The following TATDN2 variants were observed in gnomAD, a reference collection of about 807,000 sequenced individuals.
The protein encoded by TATDN2 is 3'-5' RNA nuclease TATDN2.
Under a neutral mutation model 60.3 loss-of-function variants are expected in TATDN2, and 44 were observed. That is an observed-to-expected ratio of 0.73 (90% confidence interval 0.57 to 0.94). The LOEUF (loss-of-function observed/expected upper bound fraction) is 0.94. Ranked by LOEUF, TATDN2 falls within the 40% of genes least tolerant of loss-of-function variation. TATDN2 has a pLI of 0.00. For missense variants in TATDN2, 997 were observed against 948.0 expected, an observed-to-expected ratio of 1.05 and a Z score of -0.68; for synonymous variants, 399 against 355.8, an observed-to-expected ratio of 1.12 and a Z score of -1.37.
chr3:10,260,341 G>T lies in TATDN2; in HGVS notation c.619G>T (p.Ala207Ser). Residue 207 changes from alanine (A) to serine (S), a missense_variant, in exon 3 of 8, where the codon GCC becomes TCC. Coordinates refer to ENST00000448281, the MANE Select transcript of TATDN2 (RefSeq NM_014760.4). The part of the protein sequence containing the change: ...KSMPKRKGEA[A>S]TRAKPSAAEH... Reference sequence around the variant, plus strand: ...GATGCCAAAAAGGAAGGGAGAGGCTGCCACTCGGGCAAAACCAAGCGCAGC... The same window carrying T: ...GATGCCAAAAAGGAAGGGAGAGGCTTCCACTCGGGCAAAACCAAGCGCAGC... The T allele has an allele frequency of 6.2e-7, 1 of 1,614,160 alleles. No homozygotes were observed.
In TATDN2 at chr3:10,257,294, T is replaced by TTATATATA. The variant is rs3072531; in HGVS notation, c.415-2831_415-2824dup. Reference sequence around the variant, plus strand: ...AGTGAGATTTTGCCTCAAAAAAAAATTATATATATATATATATATGAATTC... The same window carrying TTATATATA: ...AGTGAGATTTTGCCTCAAAAAAAAATTATATATATATATATATATATATATATGAATTC... On this transcript the variant is annotated intron_variant, in intron 2 of 7. Transcript: ENST00000448281. 2.3e-3 allele frequency among the ~76,000 whole-genome samples: 305 copies of TTATATATA among 133,592 alleles called. 3 individuals carry two copies. Among genetic ancestry groups the TTATATATA allele is most frequent in the South Asian group, 7.3e-3 (29 of 3,966 alleles). The allele number at this position is 133,592 out of a possible 152,430, so 87.6% of individuals were successfully genotyped here. A position where few individuals can be genotyped will look rare whatever the true frequency, so the allele number is the denominator to read the frequency against.
Position 10,278,381 on chromosome 3 carries a change from G to C in TATDN2, c.2064G>C (p.Trp688Cys), listed in dbSNP as rs1698668930. ...FTAVLTYSSAWEAREALRQIP... is the reference protein window; with the variant it reads ...FTAVLTYSSACEAREALRQIP... Reference sequence around the variant, plus strand: ...CAGTGCTGACATACTCCTCTGCCTGGGAGGCCCGGGAAGCCTTGAGGCAGA... The same window carrying C: ...CAGTGCTGACATACTCCTCTGCCTGCGAGGCCCGGGAAGCCTTGAGGCAGA... The change falls in exon 6 of 8, where the codon TGG becomes TGC. Residue 688 changes from tryptophan (W) to cysteine (C), a missense_variant. Trp to Cys is a radical substitution (Grantham distance 215). Coordinates refer to ENST00000448281, the MANE Select transcript of TATDN2 (RefSeq NM_014760.4). This position sits in a 1 kb window ranked among gnomAD's most constrained non-coding sequence, Gnocchi z 4.7. 2.5e-6 allele frequency: 4 copies of C among 1,614,084 alleles called. No individual in the cohort carries two copies. The highest frequency in any genetic ancestry group is 3.4e-6 in the Non-Finnish European group (4 of 1,180,040).
chr3:10,260,618 C>G lies in TATDN2; in HGVS notation c.896C>G (p.Ser299Cys), dbSNP rs769513602. ...GDRRTVIDKC[S>C]PPLEFLDDSD... ...CGAAGGACTGTCATTGACAAATGCTCTCCACCCCTAGAGTTCTTGGATGAC... is the reference window on the plus strand; with the variant it reads ...CGAAGGACTGTCATTGACAAATGCTGTCCACCCCTAGAGTTCTTGGATGAC... Residue 299 changes from serine (S) to cysteine (C), a missense_variant, in exon 3 of 8, where the codon TCT (serine) becomes TGT (cysteine). Physicochemically the swap from Ser to Cys is moderately radical, Grantham distance 112 (BLOSUM62 -1). Coordinates refer to ENST00000448281, the MANE Select transcript of TATDN2 (RefSeq NM_014760.4). The G allele has an allele frequency of 3.7e-6, 6 of 1,614,162 alleles. No individual in the cohort carries two copies. In the South Asian group the frequency reaches 6.6e-5, roughly 18 times the overall value.
At chr3:10,265,384 T>TTA (rs1352751432) in intron 3 of TATDN2, among the ~76,000 whole-genome samples, 1 of 14,880 alleles carries the variant, frequency 6.7e-5, no homozygotes, top group Non-Finnish European at 1.2e-4. Flanking sequence ...GCCAGAACTT[T>TTA]AAAAATTAAA....
Position 10,278,317 on chromosome 3 carries a change from T to G in TATDN2, c.2000T>G (p.Leu667Arg). 1 of 1,614,194 alleles carries G rather than the reference T, an allele frequency of 6.2e-7. No homozygotes were observed. Among genetic ancestry groups the G allele is most frequent in the Non-Finnish European group, 8.5e-7 (1 of 1,180,030 alleles). Residue 667 changes from leucine to arginine, a missense_variant, in exon 6 of 8, where the codon CTG becomes CGG. Coordinates refer to ENST00000448281, the MANE Select transcript of TATDN2 (RefSeq NM_014760.4). The surrounding 1 kb of genome is among the most constrained non-coding windows in gnomAD (Gnocchi z 4.7). ...GGCAGCTACCCGGTCATTGAGCCCC[T>G]GCTGAAGTACTTTCCCAACATGTCT... is the stretch of plus-strand genomic sequence containing the variant. Reference protein sequence around the residue: ...FTGSYPVIEPLLKYFPNMSVG... With the variant: ...FTGSYPVIEPRLKYFPNMSVG...
rs756498370 is a variant in TATDN2, at chr3:10,249,516, A to C, written c.316A>C (p.Thr106Pro). 5.0e-6 allele frequency: 8 copies of C among 1,607,422 alleles called. No individual in the cohort carries two copies. The highest frequency in any genetic ancestry group is 1.7e-4 in the Middle Eastern group (1 of 6,032). ...AASKGCLIRN[T>P]RGFLSSGGSP... ...CTCCAAAGGCTGCCTGATTCGGAACACTCGGGGGTTCCTGTCTTCAGGGGG... is the reference window on the plus strand; with the variant it reads ...CTCCAAAGGCTGCCTGATTCGGAACCCTCGGGGGTTCCTGTCTTCAGGGGG... Residue 106 changes from threonine (T) to proline (P), a missense_variant, in exon 2 of 8, where the codon ACT becomes CCT. Coordinates refer to ENST00000448281, the MANE Select transcript of TATDN2 (RefSeq NM_014760.4).
At chr3:10,254,437 C>T (rs749594514) in intron 2 of TATDN2, among the ~76,000 whole-genome samples, 23 of 152,300 alleles carry the variant, frequency 1.5e-4, no homozygotes, top group Non-Finnish European at 2.4e-4. Flanking sequence ...CTGGCCCTCC[C>T]TTCTCTCATC....
At chr3:10,271,519 G>C (rs1226375726) in intron 4 of TATDN2, among the ~76,000 whole-genome samples, 1 of 152,006 alleles carries the variant, frequency 6.6e-6, no homozygotes, top group Non-Finnish European at 1.5e-5. Context: ...GGCCAGGTTG[G>C]TATTGAACTC....
At chr3:10,253,350 C>T (rs1362623236) in intron 2 of TATDN2, among the ~76,000 whole-genome samples, 1 of 152,090 alleles carries the variant, frequency 6.6e-6, no homozygotes, top group Non-Finnish European at 1.5e-5. Context: ...TCCCTTCTCC[C>T]ACCAGCCTTT....
chr3:10,252,395 T>C (rs923950605), intron 2 of TATDN2, among the ~76,000 whole-genome samples: 13 of 152,172 alleles, frequency 8.5e-5, no homozygotes, highest in Admixed American at 7.2e-4. Flanking sequence ...TGAGGGTTTT[T>C]ATATTACCCT....
rs1576019207 is a variant in TATDN2, at chr3:10,278,815, G to A, written c.2146-70G>A. On this transcript the variant is annotated intron_variant, in intron 6 of 7. Transcript: ENST00000448281. The surrounding 1 kb of genome is among the most constrained non-coding windows in gnomAD (Gnocchi z 4.7). ...AGAGGTCCTTGCTGGGGAAGGGACAGGGAGGGAGTTCTAGATTATGACTGT... is the reference window on the plus strand; with the variant it reads ...AGAGGTCCTTGCTGGGGAAGGGACAAGGAGGGAGTTCTAGATTATGACTGT... 6.2e-6 allele frequency: 10 copies of A among 1,610,218 alleles called. No individual in the cohort carries two copies. In the East Asian group the frequency reaches 2.0e-4, roughly 32 times the overall value.
chr3:10,260,742 G>A, intron 3 of TATDN2, 72 bp downstream of exon 3: 1 of 1,508,270 alleles, frequency 6.6e-7, no homozygotes. Flanking sequence ...TTTCTAGTTT[G>A]ATCCTAAGTG....
At chr3:10,260,763 A>T in intron 3 of TATDN2, 93 bp downstream of exon 3, 1 of 1,428,176 alleles carries the variant, frequency 7.0e-7, no homozygotes, top group Non-Finnish European at 9.4e-7. Context: ...TTACTAATTA[A>T]AAATAGTACT....
Position 10,278,785 on chromosome 3 carries a change from C to T in TATDN2, c.2146-100C>T. The T allele has an allele frequency of 1.3e-6, 2 of 1,577,196 alleles. No homozygotes were observed. Among genetic ancestry groups the T allele is most frequent in the Admixed American group, 1.8e-5 (1 of 56,858 alleles). On this transcript the variant is annotated intron_variant, in intron 6 of 7. Coordinates refer to ENST00000448281, the MANE Select transcript of TATDN2 (RefSeq NM_014760.4). This position sits in a 1 kb window ranked among gnomAD's most constrained non-coding sequence, Gnocchi z 4.7. ...GGTAAAGGGGTCTCTACAGGGCAGC[C>T]CCAAAGAGGTCCTTGCTGGGGAAGG...
At chr3:10,257,373 G>A (rs2003595) in intron 2 of TATDN2, among the ~76,000 whole-genome samples, 24,891 of 149,362 alleles carry the variant, frequency 0.17, 3,026 homozygotes, top group East Asian at 0.66. Flanking sequence ...GCTCACACCT[G>A]TAATCCCAGC....
chr3:10,274,839 G>A (rs532359542), intron 4 of TATDN2, among the ~76,000 whole-genome samples: 36 of 152,260 alleles, frequency 2.4e-4, no homozygotes, highest in African/African-American at 8.4e-4. Flanking sequence ...TGTTAGACTT[G>A]TAAATATTCT....
chr3:10,248,956 G>A lies in TATDN2; in HGVS notation c.-118G>A. On this transcript the variant is annotated 5_prime_UTR_variant, in exon 1 of 8. Transcript: ENST00000448281. ...GATCTCAGAAGCACGTTGTGGGCTT[G>A]GAAACCGACGGCAGCCTTTAGTCAA... 2.4e-6 allele frequency: 1 copy of A among 423,122 alleles called. No homozygotes were observed. The highest frequency in any genetic ancestry group is 4.1e-6 in the Non-Finnish European group (1 of 245,828). The allele number at this position is 423,122 out of a possible 1,614,324, so 26.2% of individuals were successfully genotyped here.
At position 10,278,697 on chromosome 3, in the gene TATDN2, C is replaced by G. The variant is rs1255594987; in HGVS notation, c.2146-188C>G. The G allele has an allele frequency of 3.9e-6, 4 of 1,028,570 alleles. No homozygotes were observed. The South Asian group carries it at 4.1e-5, about 10-fold the overall frequency. The allele number at this position is 1,028,570 out of a possible 1,614,324, so 63.7% of individuals were successfully genotyped here. On this transcript the variant is annotated intron_variant, in intron 6 of 7. Transcript: ENST00000448281. The surrounding 1 kb of genome is among the most constrained non-coding windows in gnomAD (Gnocchi z 4.7). ...AAGCCCTACCCTGTAGAGGGTAGTC[C>G]AAGGAAGCGTGGGACCCTGCTCACC...
At position 10,279,970 on chromosome 3, in the gene TATDN2, G is replaced by T. The variant is rs1372552584; in HGVS notation, c.*788G>T. On this transcript the variant is annotated 3_prime_UTR_variant, in exon 8 of 8. Transcript: ENST00000448281. ...ATGCCCTCAGGGCTGCTGTGTGGGTGTGTTAAGCTGATAAGGTTCAGTTTG... is the reference window on the plus strand; with the variant it reads ...ATGCCCTCAGGGCTGCTGTGTGGGTTTGTTAAGCTGATAAGGTTCAGTTTG... 8 of 153,830 alleles carry T rather than the reference G, an allele frequency of 5.2e-5. No homozygotes were observed. Among genetic ancestry groups the T allele is most frequent in the African/African-American group, 1.9e-4 (8 of 41,478 alleles). The allele number at this position is 153,830 out of a possible 1,614,324, so 9.5% of individuals were successfully genotyped here.
Sources: gnomAD v4.1 joint callset for allele counts (sites outside exome capture counted in the v4.1 genomes callset) on GRCh38, gnomAD v4.1.1 for gene constraint, Gnocchi (gnomAD v3.1) non-coding constraint, MANE v1.5 for transcripts, NCBI Gene and HGNC (gene_info 2026-07-23, HGNC 2026-07-21) for gene names.